The following OSBPL5 variants were observed in gnomAD, a reference collection of about 807,000 sequenced individuals.
OSBPL5 encodes the protein oxysterol-binding protein-related protein 5.
Under a neutral mutation model 111.2 loss-of-function variants are expected in OSBPL5, and 71 were observed. The observed-to-expected ratio is 0.64, with a 90% CI of 0.53 to 0.78. OSBPL5 has a LOEUF of 0.78. Ranked by LOEUF, OSBPL5 falls within the 30% of genes least tolerant of loss-of-function variation. The pLI, the probability that OSBPL5 is intolerant of heterozygous loss-of-function variation, is 0.00. For missense variants in OSBPL5, 1,210 were observed against 1,189.3 expected (o/e 1.02, Z -0.26); for synonymous variants, 549 against 513.9 (o/e 1.07, Z -0.93).
At chr11:3,139,773 C>T (rs956279050) in intron 1 of OSBPL5, among the ~76,000 whole-genome samples, 5 of 152,230 alleles carry the variant, frequency 3.3e-5, no homozygotes, top group African/African-American at 4.8e-5. Flanking sequence ...CTGCTTCCCC[C>T]GGCCTCTCTT....
At chr11:3,122,287 G>C in intron 4 of OSBPL5, 61 bp downstream of exon 4, 1 of 1,553,068 alleles carries the variant, frequency 6.4e-7, no homozygotes, top group Non-Finnish European at 8.8e-7. Context: ...TGACCTCCCT[G>C]GCTCAGGTGG....
rs1301286927 is a variant in OSBPL5 at position 3,161,359 on chromosome 11, C to T, written c.-22+3857G>A. The T allele has an allele frequency of 6.6e-6, 1 of 152,220 alleles. No individual in the cohort carries two copies. The highest frequency in any genetic ancestry group is 1.5e-5 in the Non-Finnish European group (1 of 68,056). The allele number at this position is 152,220 out of a possible 1,614,324, so 9.4% of individuals were successfully genotyped here. A position where few individuals can be genotyped will look rare whatever the true frequency, so the allele number is the denominator to read the frequency against. On this transcript the variant is annotated intron_variant, in intron 1 of 21. Transcript: ENST00000263650. The surrounding 1 kb of genome is among the most constrained non-coding windows in gnomAD (Gnocchi z 8.0). ...ATGGGACTCTGGGAAGAGTCACGCC[C>T]TCTTGTCCTTCCCATCCTAGAGCAT...
Position 3,103,843 on chromosome 11 carries a change from GCCCC to G in OSBPL5, c.1244+346_1244+349del, listed in dbSNP as rs777164769. 3.8e-3 allele frequency among the ~76,000 whole-genome samples: 282 copies of G among 74,736 alleles called. 5 individuals are homozygous for G. Among genetic ancestry groups the G allele is most frequent in the Non-Finnish European group, 5.7e-3 (193 of 34,122 alleles). The allele number at this position is 74,736 out of a possible 152,430, so 49.0% of individuals were successfully genotyped here. A position where few individuals can be genotyped will look rare whatever the true frequency, so the allele number is the denominator to read the frequency against. ...GCGCAGCCCCCTTCCAGCCTCTGCA[GCCCC>G]TTTCCAGTCTGCGCAGCCCCCTTCC... On this transcript the variant is annotated intron_variant, in intron 10 of 21. Coordinates refer to ENST00000263650, the MANE Select transcript of OSBPL5 (RefSeq NM_020896.4).
chr11:3,154,629 CAG>C lies in OSBPL5; in HGVS notation c.-22+10585_-22+10586del, dbSNP rs1044202230. 6.6e-6 allele frequency among the ~76,000 whole-genome samples: 1 copy of C among 152,202 alleles called. No homozygotes were observed. Among genetic ancestry groups the C allele is most frequent in the Admixed American group, 6.5e-5 (1 of 15,288 alleles). ...GCTGGGCCCTCACAGGGGATAAAAA[CAG>C]AACCCACTGACGAGACGCCTGGCAG... On this transcript the variant is annotated intron_variant, in intron 1 of 21. Coordinates refer to ENST00000263650, the MANE Select transcript of OSBPL5 (RefSeq NM_020896.4). The surrounding 1 kb of genome is among the most constrained non-coding windows in gnomAD (Gnocchi z 4.9).
intron 7 of OSBPL5, among the ~76,000 whole-genome samples, chr11:3,108,459 G>A (rs1225747821): frequency 6.6e-6 from 1 of 152,178 alleles, no homozygotes; most frequent in Non-Finnish European, 1.5e-5. Context: ...CCAGCCTGGA[G>A]TCCAGGGAGG....
intron 3 of OSBPL5, among the ~76,000 whole-genome samples, chr11:3,124,009 A>AC (rs2134463318): frequency 6.6e-6 from 1 of 152,284 alleles, no homozygotes; most frequent in African/African-American, 2.4e-5. Flanking sequence ...GGAGAGGCAG[A>AC]CCAGCCACCA....
intron 1 of OSBPL5, among the ~76,000 whole-genome samples, chr11:3,156,638 C>G (rs907555342): frequency 1.3e-5 from 2 of 152,238 alleles, no homozygotes; most frequent in African/African-American, 4.8e-5. Flanking sequence ...ACCTTGACGA[C>G]GCTGGGGTTG....
rs74849641 is a variant in OSBPL5 at position 3,126,240 on chromosome 11, G to A, written c.219+233C>T. Among the ~76,000 whole-genome samples the A allele has an allele frequency of 0.014, 2,078 of 152,276 alleles. 24 individuals are homozygous for A. Among genetic ancestry groups the A allele is most frequent in the Middle Eastern group, 0.024 (7 of 294 alleles). On this transcript the variant is annotated intron_variant, in intron 3 of 21. Coordinates refer to ENST00000263650, the MANE Select transcript of OSBPL5 (RefSeq NM_020896.4). This position sits in a 1 kb window ranked among gnomAD's most constrained non-coding sequence, Gnocchi z 6.5. ...ACTGAAAACTGATAGTCAAATACAC[G>A]TGCACACATGTTCACGGAAGCATTT...
At chr11:3,148,545 G>A (rs73415991) in intron 1 of OSBPL5, among the ~76,000 whole-genome samples, 1,786 of 152,334 alleles carry the variant, frequency 0.012, 14 homozygotes, top group South Asian at 0.052. Context: ...TGGAGGAGAC[G>A]GGGCGCTGTC....
At chr11:3,094,450 C>T (rs1279226997) in intron 14 of OSBPL5, 116 bp from the exon 15 acceptor site, 3 of 741,312 alleles carry the variant, frequency 4.0e-6, no homozygotes, top group African/African-American at 1.7e-5. Context: ...AGCACCGATC[C>T]CTGGGAGGCC....
chr11:3,095,923 G>A (rs1302024301), intron 14 of OSBPL5, among the ~76,000 whole-genome samples: 2 of 152,114 alleles, frequency 1.3e-5, no homozygotes, highest in Non-Finnish European at 2.9e-5. Context: ...ACCCTGCTGT[G>A]GAAAGACACA....
intron 1 of OSBPL5, among the ~76,000 whole-genome samples, chr11:3,133,825 A>G (rs1845876566): frequency 6.6e-6 from 1 of 152,184 alleles, no homozygotes; most frequent in African/African-American, 2.4e-5. Context: ...CCCTGGGGCC[A>G]AAGAGGAAGT....
rs374188072 is a variant in OSBPL5 at position 3,140,304 on chromosome 11, C to T, written c.-21-11135G>A. On this transcript the variant is annotated intron_variant, in intron 1 of 21. Coordinates refer to ENST00000263650, the MANE Select transcript of OSBPL5 (RefSeq NM_020896.4). This position sits in a 1 kb window ranked among gnomAD's most constrained non-coding sequence, Gnocchi z 4.5. ...TGTGAAGGGCCAGCATGGTGCCACC[C>T]AGGAGTGACACACACAGCCAAGCTC... 3.3e-5 allele frequency among the ~76,000 whole-genome samples: 5 copies of T among 152,312 alleles called. 1 individual carries two copies. Among genetic ancestry groups the T allele is most frequent in the South Asian group, 2.1e-4 (1 of 4,832 alleles).
chr11:3,152,607 C>T (rs946676672), intron 1 of OSBPL5, among the ~76,000 whole-genome samples: 5 of 152,178 alleles, frequency 3.3e-5, no homozygotes, highest in African/African-American at 9.6e-5. Context: ...CTGCGAGGCG[C>T]GATGGGCTCG....
At chr11:3,096,775 G>A (rs1857268720) in intron 14 of OSBPL5, among the ~76,000 whole-genome samples, 1 of 152,100 alleles carries the variant, frequency 6.6e-6, no homozygotes, top group East Asian at 1.9e-4. Flanking sequence ...TTGCTGTGCT[G>A]TGGGTATATG....
intron 1 of OSBPL5, among the ~76,000 whole-genome samples, chr11:3,153,472 C>G (rs972920874): frequency 6.6e-6 from 1 of 152,316 alleles, no homozygotes; most frequent in Non-Finnish European, 1.5e-5. Flanking sequence ...AAAGCCCCCT[C>G]TAGCCTGAAG....
intron 1 of OSBPL5, among the ~76,000 whole-genome samples, chr11:3,163,471 G>A (rs966393253): frequency 3.0e-5 from 4 of 133,926 alleles, no homozygotes; most frequent in Non-Finnish European, 1.6e-5. Context: ...GATCTCAGGA[G>A]AGAAACTGAT....
chr11:3,096,616 C>CAA (rs71035478), intron 14 of OSBPL5, among the ~76,000 whole-genome samples: 18,376 of 136,406 alleles, frequency 0.13, 1,339 homozygotes, highest in African/African-American at 0.18. Flanking sequence ...AAGACTCTGT[C>CAA]AAAAAAAAAA....
rs1564830101 is a variant in OSBPL5, at chr11:3,103,782, CA to C, written c.1244+410del. ...CTCTGCAGCCCCCTTCCAGCCTCTG[CA>C]GTCCCTTCCTGCCTCTGCAGCCCTC... On this transcript the variant is annotated intron_variant, in intron 10 of 21. Coordinates refer to ENST00000263650, the MANE Select transcript of OSBPL5 (RefSeq NM_020896.4). Among the ~76,000 whole-genome samples the C allele has an allele frequency of 2.7e-4, 16 of 59,522 alleles. 2 individuals are homozygous for C. The East Asian group carries it at 4.7e-3, about 18-fold the overall frequency. The allele number at this position is 59,522 out of a possible 152,430, so 39.0% of individuals were successfully genotyped here.
Sources: allele counts gnomAD v4.1 joint callset (sites outside exome capture counted in the v4.1 genomes callset), GRCh38; gene constraint gnomAD v4.1.1; non-coding constraint Gnocchi (gnomAD v3.1); transcripts MANE v1.5; gene names NCBI Gene and HGNC (gene_info 2026-07-23, HGNC 2026-07-21).